The following PADI4 variants were observed in gnomAD, a reference collection of about 807,000 sequenced individuals.
PADI4 encodes the protein peptidyl arginine deiminase 4, also known as protein-arginine deiminase type-4.
Under a neutral mutation model 75.0 loss-of-function variants are expected in PADI4, and 62 were observed. The ratio of observed to expected loss-of-function variants is 0.83; its 90% confidence interval spans 0.67 to 1.02. The LOEUF is 1.02. PADI4 is among the 50% of genes least tolerant of loss of function. The probability of loss-of-function intolerance (pLI) is 0.00; values close to 1 mark genes in which losing one functional copy is unlikely to be tolerated. For synonymous variants in PADI4, 361 were observed against 348.1 expected, an observed-to-expected ratio of 1.04 and a Z score of -0.41; for missense variants, 845 against 850.5, an observed-to-expected ratio of 0.99 and a Z score of 0.08.
At chr1:17,318,846 C>T (rs967384522) in intron 1 of PADI4, among the ~76,000 whole-genome samples, 11 of 151,968 alleles carry the variant, frequency 7.2e-5, no homozygotes, top group Admixed American at 5.9e-4. Context: ...CCACAACTCC[C>T]GGCTAATTTT....
chr1:17,318,716 C>T (rs1270691722), intron 1 of PADI4, among the ~76,000 whole-genome samples: 7 of 145,556 alleles, frequency 4.8e-5, no homozygotes, highest in South Asian at 2.1e-4. Flanking sequence ...GATGGAGTCT[C>T]GCTCTATCAC....
Position 17,358,591 on chromosome 1 carries a change from A to ACT in PADI4, c.1559-247_1559-246insCT, listed in dbSNP as rs1557583923. On this transcript the variant is annotated intron_variant, in intron 13 of 15. Coordinates refer to ENST00000375448, the MANE Select transcript of PADI4 (RefSeq NM_012387.3). ...AAAAAAAAAAAAAAATAATAATAAA[A>ACT]ATAAAAATATATTTTAAAAAGAATT... is the stretch of plus-strand genomic sequence containing the variant. Among the ~76,000 whole-genome samples the ACT allele has an allele frequency of 1.8e-4, 2 of 11,368 alleles. 1 individual carries two copies. Among genetic ancestry groups the ACT allele is most frequent in the Non-Finnish European group, 3.1e-4 (2 of 6,408 alleles). 7.5% of individuals were successfully genotyped at this position (11,368 alleles called of 152,430 possible).
chr1:17,327,431 C>T (rs529569963), intron 1 of PADI4, among the ~76,000 whole-genome samples: 12 of 151,884 alleles, frequency 7.9e-5, no homozygotes, highest in African/African-American at 1.9e-4. Flanking sequence ...TTTTCTGGAT[C>T]GTTATATTTT....
At chr1:17,355,897 T>C in intron 11 of PADI4, 86 bp from the exon 12 acceptor site, 2 of 1,404,128 alleles carry the variant, frequency 1.4e-6, no homozygotes, top group South Asian at 1.2e-5. Context: ...AGGAGAACCC[T>C]GACCTTTTTG....
chr1:17,324,224 C>T (rs574636900), intron 1 of PADI4, among the ~76,000 whole-genome samples: 8 of 136,632 alleles, frequency 5.9e-5, no homozygotes, highest in South Asian at 4.8e-4. Flanking sequence ...TCTGTTGAAT[C>T]GTGTCATTTA....
Position 17,333,967 on chromosome 1 carries a change from A to C in PADI4, c.298A>C (p.Lys100Gln). The stretch of plus-strand genomic sequence containing the variant: ...GGTTCAGATTTCATACTACGGACCC[A>C]AGACTCCACCAGTCAAAGCTCTACT... ...QKVQISYYGP[K>Q]TPPVKALLYL... The change falls in exon 3 of 16, where the codon AAG (lysine) becomes CAG (glutamine). Residue 100 changes from lysine to glutamine, a missense_variant. Transcript: ENST00000375448. The C allele has an allele frequency of 6.2e-7, 1 of 1,613,082 alleles. No individual in the cohort carries two copies. Among genetic ancestry groups the C allele is most frequent in the Non-Finnish European group, 8.5e-7 (1 of 1,179,050 alleles).
rs772373848 is a variant in PADI4, at chr1:17,342,129, G to T, written c.831+8G>T. On this transcript the variant is annotated splice_region_variant and intron_variant, in intron 7 of 15. Transcript: ENST00000375448. ...CTGGACACGTCCAACCTGGTAGGCC[G>T]AGAAGGCAGCCCTGCATCGGGGGCC... 1 of 1,612,798 alleles carries T rather than the reference G, an allele frequency of 6.2e-7. No homozygotes were observed. The highest frequency in any genetic ancestry group is 1.7e-5 in the Admixed American group (1 of 59,996).
At chr1:17,337,652 T>C (rs2100724493) in intron 4 of PADI4, among the ~76,000 whole-genome samples, 1 of 151,986 alleles carries the variant, frequency 6.6e-6, no homozygotes, top group African/African-American at 2.4e-5. Context: ...GCGTGGTGGC[T>C]CATGCCTGTA....
chr1:17,341,285 G>C (rs1044980928), intron 6 of PADI4, among the ~76,000 whole-genome samples: 2 of 152,080 alleles, frequency 1.3e-5, no homozygotes, highest in Admixed American at 1.3e-4. Context: ...GTTTTTAGTA[G>C]AGATGGGCTT....
chr1:17,341,198 A>G (rs1194101558), intron 6 of PADI4, among the ~76,000 whole-genome samples: 4 of 150,552 alleles, frequency 2.7e-5, no homozygotes, highest in Non-Finnish European at 5.9e-5. Flanking sequence ...TCCTGGGTTC[A>G]AGCAATTCTC....
At chr1:17,315,652 T>G (rs973389412) in intron 1 of PADI4, among the ~76,000 whole-genome samples, 1 of 151,890 alleles carries the variant, frequency 6.6e-6, no homozygotes, top group Non-Finnish European at 1.5e-5. Context: ...CCCCCAACAC[T>G]GGCTCCTTTG....
At chr1:17,319,912 C>T (rs772495417) in intron 1 of PADI4, among the ~76,000 whole-genome samples, 81 of 152,194 alleles carry the variant, frequency 5.3e-4, no homozygotes, top group Admixed American at 9.8e-4. Context: ...TTACTATGTA[C>T]GAAAAAACCT....
At chr1:17,325,375 T>C (rs1050544202) in intron 1 of PADI4, among the ~76,000 whole-genome samples, 3 of 152,144 alleles carry the variant, frequency 2.0e-5, no homozygotes, top group Non-Finnish European at 4.4e-5. Flanking sequence ...TTTTTAAAAA[T>C]TGTTTTCTTC....
chr1:17,321,644 C>T (rs1382965332), intron 1 of PADI4, among the ~76,000 whole-genome samples: 4 of 152,208 alleles, frequency 2.6e-5, no homozygotes, highest in Non-Finnish European at 5.9e-5. Context: ...ATGAAATCTC[C>T]TCTTCTGTCT....
In PADI4 at chr1:17,356,475, C is replaced by T. The variant is rs756548244; in HGVS notation, c.1558+16C>T. 32 of 1,461,684 alleles carry T rather than the reference C, an allele frequency of 2.2e-5. 2 individuals are homozygous for T. In the South Asian group the frequency reaches 3.7e-4, roughly 17 times the overall value. The allele number at this position is 1,461,684 out of a possible 1,614,324, so 90.5% of individuals were successfully genotyped here. On this transcript the variant is annotated intron_variant, in intron 13 of 15. Coordinates refer to ENST00000375448, the MANE Select transcript of PADI4 (RefSeq NM_012387.3). The surrounding 1 kb of genome is among the most constrained non-coding windows in gnomAD (Gnocchi z 4.1). ...GGGATCAAGAGTAAGTCGGCCCTGC[C>T]TTGTTCTCCTGTCTGTGCACCTTCC...
At chr1:17,318,213 T>C (rs984156985) in intron 1 of PADI4, among the ~76,000 whole-genome samples, 1 of 152,136 alleles carries the variant, frequency 6.6e-6, no homozygotes, top group Non-Finnish European at 1.5e-5. Flanking sequence ...GTGGCACCAA[T>C]GCAGAGAAGG....
At chr1:17,319,304 G>A (rs1022133476) in intron 1 of PADI4, among the ~76,000 whole-genome samples, 1 of 152,142 alleles carries the variant, frequency 6.6e-6, no homozygotes, top group African/African-American at 2.4e-5. Context: ...GGTGGCTCAT[G>A]TCTGTAATCC....
chr1:17,329,158 C>A (rs1191131899), intron 1 of PADI4, among the ~76,000 whole-genome samples: 1 of 148,750 alleles, frequency 6.7e-6, no homozygotes, highest in African/African-American at 2.5e-5. Context: ...TACAACTGAC[C>A]CTTGAATAAC....
intron 10 of PADI4, among the ~76,000 whole-genome samples, chr1:17,351,672 G>A (rs986877329): frequency 4.6e-5 from 7 of 151,670 alleles, no homozygotes; most frequent in African/African-American, 9.7e-5. Context: ...TGGGCTTCAC[G>A]GAGAAGCTGA....
Sources: gnomAD v4.1 joint callset for allele counts (sites outside exome capture counted in the v4.1 genomes callset) on GRCh38, gnomAD v4.1.1 for gene constraint, Gnocchi (gnomAD v3.1) non-coding constraint, MANE v1.5 for transcripts, NCBI Gene and HGNC (gene_info 2026-07-23, HGNC 2026-07-21) for gene names.